OPALIN: variants seen among roughly 807,000 people sequenced by gnomAD.
The protein encoded by OPALIN is oligodendrocytic myelin paranodal and inner loop protein.
In OPALIN, 15 loss-of-function variants were observed where a neutral mutation model predicts 17.8. The observed-to-expected ratio is 0.84, with a 90% CI of 0.56 to 1.29. The LOEUF (loss-of-function observed/expected upper bound fraction) is 1.29, where lower values mean the gene tolerates loss of function less well. Among genes scored for constraint, OPALIN ranks in the 50% most tolerant of loss-of-function variants. The pLI, the probability that OPALIN is intolerant of heterozygous loss-of-function variation, is 0.00. For synonymous variants in OPALIN, 62 were observed against 63.8 expected, an observed-to-expected ratio of 0.97 and a Z score of 0.14; for missense variants, 170 against 176.0, an observed-to-expected ratio of 0.97 and a Z score of 0.19.
chr10:96,346,060 T>C lies in OPALIN; in HGVS notation c.307A>G (p.Ile103Val). The stretch of plus-strand genomic sequence containing the variant: ...CTTCCTGCTACAGTCTTCACATATA[T>C]GTGGGCCTCTTGTGCTCCCATCGTA... ...KNTMGAQEAH[I>V]YVKTVAGSEE... The change falls in exon 6 of 6, where the codon ATA (isoleucine) becomes GTA (valine). Residue 103 changes from isoleucine to valine, a missense_variant. Ile to Val is a conservative substitution (Grantham distance 29, BLOSUM62 3). Transcript: ENST00000371172. The C allele has an allele frequency of 1.2e-6, 2 of 1,614,158 alleles. No individual in the cohort carries two copies. Among genetic ancestry groups the C allele is most frequent in the Non-Finnish European group, 1.7e-6 (2 of 1,179,994 alleles).
intron 5 of OPALIN, among the ~76,000 whole-genome samples, chr10:96,347,731 C>G (rs1845398068): frequency 1.3e-5 from 2 of 152,148 alleles, no homozygotes; most frequent in South Asian, 2.1e-4. Context: ...CCTCAGCCTC[C>G]CAAAATGCTG....
At chr10:96,353,676 C>G (rs1219590579) in intron 2 of OPALIN, among the ~76,000 whole-genome samples, 2 of 152,218 alleles carry the variant, frequency 1.3e-5, no homozygotes, top group African/African-American at 4.8e-5. Context: ...TCTTGCTTCT[C>G]TGCATTCTCT....
In OPALIN at chr10:96,344,086, T is replaced by A. The variant is rs1184694517; in HGVS notation, c.*1855A>T. On this transcript the variant is annotated 3_prime_UTR_variant, in exon 6 of 6. Coordinates refer to ENST00000371172, the MANE Select transcript of OPALIN (RefSeq NM_033207.5). ...GCCCATTCCTGTGGTCCTGTCTCCA[T>A]CCCCTTGGGTCCTCTTGATTTTTCT... The A allele has an allele frequency of 1.3e-5, 2 of 152,228 alleles. No homozygotes were observed. The highest frequency in any genetic ancestry group is 2.9e-5 in the Non-Finnish European group (2 of 68,058). 9.4% of individuals were successfully genotyped at this position (152,228 alleles called of 1,614,324 possible).
intron 1 of OPALIN, among the ~76,000 whole-genome samples, chr10:96,358,453 T>C (rs1231483755): frequency 1.3e-5 from 2 of 152,226 alleles, no homozygotes; most frequent in African/African-American, 4.8e-5. Context: ...CAGAACCCTC[T>C]TGTTTTCTCT....
intron 3 of OPALIN, 30 bp from the exon 4 acceptor site, chr10:96,349,856 A>T: frequency 6.3e-7 from 1 of 1,591,806 alleles, no homozygotes; most frequent in Middle Eastern, 1.7e-4. Flanking sequence ...ACAGGGTCAG[A>T]GGAAGCCCAG....
Position 96,353,301 on chromosome 10 carries a change from G to T in OPALIN, c.40-1891C>A, listed in dbSNP as rs959471424. On this transcript the variant is annotated intron_variant, in intron 2 of 5. Transcript: ENST00000371172. Reference sequence around the variant, plus strand: ...CTCAGCAGGGACTGGCCAGCAGGGAGCCCTGTTCCAAACTTCCCGCAGAGA... The same window carrying T: ...CTCAGCAGGGACTGGCCAGCAGGGATCCCTGTTCCAAACTTCCCGCAGAGA... 19 of 1,363,254 alleles carry T rather than the reference G, an allele frequency of 1.4e-5. No homozygotes were observed. In the African/African-American group the frequency reaches 2.1e-4, roughly 15 times the overall value. The allele number at this position is 1,363,254 out of a possible 1,614,324, so 84.4% of individuals were successfully genotyped here.
rs1376465755 is a variant in OPALIN, at chr10:96,345,494, C to T, written c.*447G>A. ...TGAGATATTCAGAAACAATTAACTGCTTCCTCTCACACATCCTGCATAAGT... is the reference window on the plus strand; with the variant it reads ...TGAGATATTCAGAAACAATTAACTGTTTCCTCTCACACATCCTGCATAAGT... On this transcript the variant is annotated 3_prime_UTR_variant, in exon 6 of 6. Transcript: ENST00000371172. 1 of 156,432 alleles carries T rather than the reference C, an allele frequency of 6.4e-6. No homozygotes were observed. The highest frequency in any genetic ancestry group is 2.4e-5 in the African/African-American group (1 of 41,504). The allele number at this position is 156,432 out of a possible 1,614,324, so 9.7% of individuals were successfully genotyped here. A position where few individuals can be genotyped will look rare whatever the true frequency, so the allele number is the denominator to read the frequency against.
chr10:96,349,633 C>T lies in OPALIN; in HGVS notation c.192+74G>A, dbSNP rs150936358. 1.2e-5 allele frequency: 19 copies of T among 1,523,996 alleles called. No individual in the cohort carries two copies. In the Admixed American group the frequency reaches 3.5e-4, roughly 28 times the overall value. The allele number at this position is 1,523,996 out of a possible 1,614,324, so 94.4% of individuals were successfully genotyped here. A position where few individuals can be genotyped will look rare whatever the true frequency, so the allele number is the denominator to read the frequency against. ...GACATGGGCCCTGAATTCTGACACC[C>T]TTAGTCCAAAAGCCAGTTCACTGAA... is the stretch of plus-strand genomic sequence containing the variant. On this transcript the variant is annotated intron_variant, in intron 4 of 5. Coordinates refer to ENST00000371172, the MANE Select transcript of OPALIN (RefSeq NM_033207.5).
intron 1 of OPALIN, among the ~76,000 whole-genome samples, chr10:96,358,674 C>T (rs1336310395): frequency 1.3e-5 from 2 of 152,184 alleles, no homozygotes; most frequent in African/African-American, 4.8e-5. Context: ...CTACTCTGTA[C>T]TCTTGTATGT....
At chr10:96,350,862 T>C (rs1157461717) in intron 3 of OPALIN, among the ~76,000 whole-genome samples, 1 of 152,216 alleles carries the variant, frequency 6.6e-6, no homozygotes, top group Non-Finnish European at 1.5e-5. Flanking sequence ...CCTATAAAAG[T>C]GCAACTGTTA....
intron 4 of OPALIN, among the ~76,000 whole-genome samples, chr10:96,349,059 A>G (rs990239197): frequency 3.9e-5 from 6 of 152,192 alleles, no homozygotes; most frequent in East Asian, 1.9e-4. Context: ...TAGAACCTCA[A>G]TTTTCAATCT....
intron 2 of OPALIN, among the ~76,000 whole-genome samples, chr10:96,354,905 G>A (rs1221702638): frequency 6.7e-6 from 1 of 150,144 alleles, no homozygotes. Flanking sequence ...AGACCAGCCT[G>A]GCCAACATGG....
Position 96,348,610 on chromosome 10 carries a change from T to C in OPALIN, c.193-265A>G, listed in dbSNP as rs185555715. Among the ~76,000 whole-genome samples the C allele has an allele frequency of 9.2e-5, 14 of 152,290 alleles. No individual in the cohort carries two copies. In the East Asian group the frequency reaches 2.7e-3, roughly 29 times the overall value. On this transcript the variant is annotated intron_variant, in intron 4 of 5. Coordinates refer to ENST00000371172, the MANE Select transcript of OPALIN (RefSeq NM_033207.5). ...AACAATATTGGCCATGGGTTAATAA[T>C]TGGGTTCATTATACTATCCTCTCTA...
chr10:96,346,968 G>A (rs968652862), intron 5 of OPALIN, among the ~76,000 whole-genome samples: 2 of 151,986 alleles, frequency 1.3e-5, no homozygotes, highest in African/African-American at 4.8e-5. Context: ...GATGTTGAAA[G>A]TATAAATTAC....
chr10:96,349,736 G>C lies in OPALIN; in HGVS notation c.163C>G (p.Arg55Gly). Residue 55 changes from arginine (R) to glycine (G), a missense_variant, in exon 4 of 6, where the codon CGA becomes GGA. Coordinates refer to ENST00000371172, the MANE Select transcript of OPALIN (RefSeq NM_033207.5). ...LVALLFTLIH[R>G]RRSSIEAMEE... ...ATGGCCTCAATGCTGCTTCTTCTTC[G>C]GTGAATCAAAGTAAATAGTAAAGCC... 6.2e-7 allele frequency: 1 copy of C among 1,613,900 alleles called. No individual in the cohort carries two copies. The highest frequency in any genetic ancestry group is 8.5e-7 in the Non-Finnish European group (1 of 1,179,920).
intron 4 of OPALIN, 113 bp downstream of exon 4, chr10:96,349,594 G>T: frequency 8.2e-7 from 1 of 1,218,832 alleles, no homozygotes; most frequent in Non-Finnish European, 1.1e-6. Context: ...CCAGCATCTT[G>T]TCCTCAGGAA....
intron 5 of OPALIN, among the ~76,000 whole-genome samples, chr10:96,346,880 C>T (rs1200833625): frequency 3.3e-5 from 5 of 151,992 alleles, no homozygotes; most frequent in Non-Finnish European, 5.9e-5. Context: ...TAGATTTATT[C>T]CATAGCATTC....
At chr10:96,351,662 G>A (rs150773301) in intron 2 of OPALIN, among the ~76,000 whole-genome samples, 6 of 152,248 alleles carry the variant, frequency 3.9e-5, no homozygotes, top group Middle Eastern at 3.4e-3. Context: ...TGGATGTACC[G>A]TGACACATTT....
In OPALIN at chr10:96,344,575, G is replaced by A. The variant is rs1339782929; in HGVS notation, c.*1366C>T. 6.6e-6 allele frequency: 1 copy of A among 152,130 alleles called. No individual in the cohort carries two copies. The highest frequency in any genetic ancestry group is 1.5e-5 in the Non-Finnish European group (1 of 68,028). The allele number at this position is 152,130 out of a possible 1,614,324, so 9.4% of individuals were successfully genotyped here. ...CCCAAAATAAGGCAACCTGGTTATA[G>A]TTTGCCCAATAGGCTCAATGGGCCA... On this transcript the variant is annotated 3_prime_UTR_variant, in exon 6 of 6. Transcript: ENST00000371172.
Sources: gnomAD v4.1 joint callset for allele counts (sites outside exome capture counted in the v4.1 genomes callset) on GRCh38, gnomAD v4.1.1 for gene constraint, MANE v1.5 for transcripts, NCBI Gene and HGNC (gene_info 2026-07-23, HGNC 2026-07-21) for gene names.